The following CARMIL1 variants were observed in gnomAD, a reference collection of about 807,000 sequenced individuals.
CARMIL1 encodes capping protein regulator and myosin 1 linker 1.
A neutral mutation model predicts 177.1 loss-of-function variants in CARMIL1; 90 were observed. That is an observed-to-expected ratio of 0.51 (90% confidence interval 0.43 to 0.61). The LOEUF is 0.61. Ranked by LOEUF, CARMIL1 falls within the 20% of genes least tolerant of loss-of-function variation. CARMIL1 has a pLI of 0.00. For synonymous variants in CARMIL1, 577 were observed against 606.2 expected, an observed-to-expected ratio of 0.95 and a Z score of 0.71; for missense variants, 1,380 against 1,667.0, an observed-to-expected ratio of 0.83 and a Z score of 3.00.
At chr6:25,447,429 A>G (rs1162236872) in intron 5 of CARMIL1, among the ~76,000 whole-genome samples, 1 of 152,230 alleles carries the variant, frequency 6.6e-6, no homozygotes, top group African/African-American at 2.4e-5. Context: ...AATAACTGGG[A>G]ACATTTTCTT....
rs145010132 is a variant in CARMIL1, at chr6:25,315,043, G to A, written c.138+30134G>A. On this transcript the variant is annotated intron_variant, in intron 2 of 36. Coordinates refer to ENST00000329474, the MANE Select transcript of CARMIL1 (RefSeq NM_017640.6). ...AGCTTCCTATATGTCAGTACTATAT[G>A]TATTATCTGTTTTAATCCTCACAGT... Among the ~76,000 whole-genome samples the A allele has an allele frequency of 6.1e-3, 929 of 152,270 alleles. 10 individuals are homozygous for A. The highest frequency in any genetic ancestry group is 0.021 in the African/African-American group (860 of 41,558).
At chr6:25,407,732 G>T (rs1164153978) in intron 2 of CARMIL1, among the ~76,000 whole-genome samples, 1 of 152,164 alleles carries the variant, frequency 6.6e-6, no homozygotes, top group Non-Finnish European at 1.5e-5. Flanking sequence ...TTAACACATG[G>T]AGGAATGATT....
intron 2 of CARMIL1, among the ~76,000 whole-genome samples, chr6:25,319,082 A>C (rs1784490137): frequency 6.6e-6 from 1 of 152,198 alleles, no homozygotes; most frequent in South Asian, 2.1e-4. Flanking sequence ...AATGAGAAGG[A>C]GCTGCCGTGT....
intron 26 of CARMIL1, among the ~76,000 whole-genome samples, chr6:25,550,162 G>A (rs747421498): frequency 3.9e-5 from 6 of 152,090 alleles, no homozygotes; most frequent in East Asian, 1.9e-4. Flanking sequence ...TTCTTCAACC[G>A]TAAAATGGTG....
At chr6:25,525,800 CT>C (rs557367851) in intron 23 of CARMIL1, among the ~76,000 whole-genome samples, 27 of 152,092 alleles carry the variant, frequency 1.8e-4, no homozygotes, top group Admixed American at 1.2e-3. Context: ...ACACTAAAAA[CT>C]TTTTTAAAAG....
At chr6:25,598,180 T>A (rs1258187503) in intron 32 of CARMIL1, among the ~76,000 whole-genome samples, 3 of 152,132 alleles carry the variant, frequency 2.0e-5, no homozygotes, top group East Asian at 1.9e-4. Flanking sequence ...GCTGAATTTT[T>A]AAAAATTATT....
chr6:25,385,241 C>T (rs1336549313), intron 2 of CARMIL1, among the ~76,000 whole-genome samples: 1 of 152,174 alleles, frequency 6.6e-6, no homozygotes, highest in African/African-American at 2.4e-5. Context: ...ATATCCAAGG[C>T]CAAGAGTGGT....
chr6:25,476,333 C>CT (rs1222773162), intron 11 of CARMIL1, among the ~76,000 whole-genome samples: 4 of 152,160 alleles, frequency 2.6e-5, no homozygotes, highest in African/African-American at 4.8e-5. Flanking sequence ...CCTGCCAAGT[C>CT]TGTTGTGTGG....
At chr6:25,519,673 C>T (rs12665641) in intron 22 of CARMIL1, among the ~76,000 whole-genome samples, 25,020 of 152,234 alleles carry the variant, frequency 0.16, 2,307 homozygotes, top group East Asian at 0.4. Flanking sequence ...CCTTTCCCAG[C>T]AGCTTTAAAA....
chr6:25,486,197 C>G (rs911452887), intron 12 of CARMIL1, among the ~76,000 whole-genome samples: 1 of 152,078 alleles, frequency 6.6e-6, no homozygotes, highest in African/African-American at 2.4e-5. Context: ...CTGTAAGAGC[C>G]TTGATTTTTT....
chr6:25,554,068 A>G lies in CARMIL1; in HGVS notation c.2564A>G (p.Asp855Gly), dbSNP rs1323807073. 6.3e-7 allele frequency: 1 copy of G among 1,598,886 alleles called. No homozygotes were observed. The highest frequency in any genetic ancestry group is 2.3e-5 in the East Asian group (1 of 44,390). The stretch of plus-strand genomic sequence containing the variant: ...GATAGAATTGTGGATGAAATCCTGG[A>G]TGCACTCTCACATTGCCATCATAAA... ...LSDRIVDEIL[D>G]ALSHCHHKLA... The change falls in exon 28 of 37, where the codon GAT becomes GGT. Residue 855 changes from aspartate (D) to glycine (G), a missense_variant. Transcript: ENST00000329474. This position sits in a 1 kb window ranked among gnomAD's most constrained non-coding sequence, Gnocchi z 4.6.
intron 2 of CARMIL1, among the ~76,000 whole-genome samples, chr6:25,317,241 C>T (rs1329945382): frequency 6.6e-6 from 1 of 152,118 alleles, no homozygotes; most frequent in Admixed American, 6.5e-5. Flanking sequence ...AACAGTCCTT[C>T]CATCTCAACC....
intron 15 of CARMIL1, among the ~76,000 whole-genome samples, chr6:25,494,083 A>ATATTAT (rs145242367): frequency 1.3e-4 from 19 of 149,020 alleles, no homozygotes; most frequent in African/African-American, 3.2e-4. Context: ...TATACATTAA[A>ATATTAT]TATTATTATT....
At chr6:25,456,658 T>A (rs996550241) in intron 8 of CARMIL1, among the ~76,000 whole-genome samples, 1 of 152,144 alleles carries the variant, frequency 6.6e-6, no homozygotes, top group Non-Finnish European at 1.5e-5. Flanking sequence ...TGGTAGGGAA[T>A]TATGAAGGTA....
chr6:25,309,626 A>G (rs908242062), intron 2 of CARMIL1, among the ~76,000 whole-genome samples: 3 of 152,070 alleles, frequency 2.0e-5, no homozygotes, highest in Non-Finnish European at 4.4e-5. Context: ...AAATGGAATT[A>G]TATAATATGT....
At chr6:25,563,317 T>C (rs961191936) in intron 29 of CARMIL1, 1 of 985,198 alleles carries the variant, frequency 1.0e-6, no homozygotes, top group Non-Finnish European at 1.2e-6. Flanking sequence ...TCAAATCCCT[T>C]TGGGATGAAA....
intron 31 of CARMIL1, among the ~76,000 whole-genome samples, chr6:25,582,738 C>A (rs371484617): frequency 6.6e-6 from 1 of 152,158 alleles, no homozygotes; most frequent in Non-Finnish European, 1.5e-5. Flanking sequence ...ATCTCTACTA[C>A]GTCTCTGTAA....
At chr6:25,568,685 CTT>C (rs549478597) in intron 29 of CARMIL1, among the ~76,000 whole-genome samples, 1 of 151,970 alleles carries the variant, frequency 6.6e-6, no homozygotes, top group African/African-American at 2.4e-5. Context: ...GCCAAAATGA[CTT>C]TTTTTTCTGA....
intron 2 of CARMIL1, among the ~76,000 whole-genome samples, chr6:25,418,813 G>A (rs770020901): frequency 2.8e-4 from 42 of 152,090 alleles, no homozygotes; most frequent in Non-Finnish European, 5.3e-4. Context: ...TGGCATTTGG[G>A]TGAAAGGTCT....
Sources: allele counts gnomAD v4.1 joint callset (sites outside exome capture counted in the v4.1 genomes callset), GRCh38; gene constraint gnomAD v4.1.1; non-coding constraint Gnocchi (gnomAD v3.1); transcripts MANE v1.5; gene names NCBI Gene and HGNC (gene_info 2026-07-23, HGNC 2026-07-21).